Variants in ADAMTSL3 observed in about 807,000 individuals in gnomAD.
ADAMTSL3 encodes ADAMTS-like protein 3.
ADAMTSL3 carries 128 observed loss-of-function variants against 201.7 expected under a neutral mutation model. The ratio of observed to expected loss-of-function variants is 0.63; its 90% confidence interval spans 0.55 to 0.73. The LOEUF is 0.73. Among genes scored for constraint, ADAMTSL3 ranks in the 30% least tolerant of loss-of-function variants. The pLI is 0.00. For missense variants in ADAMTSL3, 1,990 were observed against 2,119.6 expected (o/e 0.94, Z 1.20); for synonymous variants, 738 against 748.4 (o/e 0.99, Z 0.23).
intron 6 of ADAMTSL3, among the ~76,000 whole-genome samples, chr15:83,822,437 ACGGGGCGG>A: frequency 7.2e-6 from 1 of 139,080 alleles, no homozygotes; most frequent in Non-Finnish European, 1.5e-5. Flanking sequence ...CACTTCTCAG[ACGGGGCGG>A]TTGCCAGGCG....
At chr15:83,973,758 CT>C (rs920866730) in intron 20 of ADAMTSL3, among the ~76,000 whole-genome samples, 1 of 152,142 alleles carries the variant, frequency 6.6e-6, no homozygotes, top group African/African-American at 2.4e-5. Flanking sequence ...AATCTACCCC[CT>C]CTCCTCCTCA....
chr15:83,743,542 A>AGTGT (rs1456193504), intron 3 of ADAMTSL3, among the ~76,000 whole-genome samples: 2 of 150,674 alleles, frequency 1.3e-5, no homozygotes, highest in Admixed American at 6.6e-5. Flanking sequence ...AAAAAAAAAA[A>AGTGT]GTGTGCTTTC....
At chr15:83,822,301 G>A (rs1449689396) in intron 6 of ADAMTSL3, among the ~76,000 whole-genome samples, 2 of 133,450 alleles carry the variant, frequency 1.5e-5, no homozygotes, top group Non-Finnish European at 1.6e-5. Flanking sequence ...GGGCGGAGGG[G>A]CTCCTCACTT....
chr15:83,842,987 C>A (rs1194749452), intron 7 of ADAMTSL3, among the ~76,000 whole-genome samples: 2 of 152,134 alleles, frequency 1.3e-5, no homozygotes, highest in Admixed American at 6.5e-5. Flanking sequence ...TGCCAAAGGG[C>A]AGTCTTATTT....
chr15:83,838,272 T>G, intron 7 of ADAMTSL3, 57 bp downstream of exon 7: 1 of 1,550,056 alleles, frequency 6.5e-7, no homozygotes, highest in Non-Finnish European at 8.7e-7. Context: ...TTAGACTGTC[T>G]ATTGCTAGAA....
At chr15:83,949,366 C>T (rs1242767260) in intron 19 of ADAMTSL3, among the ~76,000 whole-genome samples, 1 of 152,114 alleles carries the variant, frequency 6.6e-6, no homozygotes, top group Admixed American at 6.5e-5. Context: ...CTGAATAGTA[C>T]TCCATTGTGT....
intron 2 of ADAMTSL3, among the ~76,000 whole-genome samples, chr15:83,695,839 C>T (rs1017026928): frequency 6.6e-5 from 10 of 152,060 alleles, no homozygotes; most frequent in Non-Finnish European, 1.3e-4. Context: ...CCGCATTCTA[C>T]TTGAAAAACC....
chr15:83,927,053 A>G (rs1234067009), intron 17 of ADAMTSL3, among the ~76,000 whole-genome samples: 1 of 151,896 alleles, frequency 6.6e-6, no homozygotes, highest in African/African-American at 2.4e-5. Flanking sequence ...CATGGCCCCC[A>G]TGCTCCAGTA....
Position 83,826,435 on chromosome 15 carries a change from CTT to C in ADAMTSL3, c.600+6403_600+6404del, listed in dbSNP as rs11342592. On this transcript the variant is annotated intron_variant, in intron 6 of 29. Coordinates refer to ENST00000286744, the MANE Select transcript of ADAMTSL3 (RefSeq NM_207517.3). Reference sequence around the variant, plus strand: ...ACTGAGCCTGGCCCTGGAAGCAGATCTTTTTTTTTTTTTTTTAATTTTTATCA... The same window carrying C: ...ACTGAGCCTGGCCCTGGAAGCAGATCTTTTTTTTTTTTTTAATTTTTATCA... Among the ~76,000 whole-genome samples, 470 of 142,340 alleles carry C rather than the reference CTT, an allele frequency of 3.3e-3. 9 individuals are homozygous for C. The East Asian group carries it at 0.058, about 18-fold the overall frequency. The allele number at this position is 142,340 out of a possible 152,430, so 93.4% of individuals were successfully genotyped here.
intron 3 of ADAMTSL3, among the ~76,000 whole-genome samples, chr15:83,766,383 A>T (rs2062891636): frequency 6.6e-6 from 1 of 152,252 alleles, no homozygotes; most frequent in Non-Finnish European, 1.5e-5. Flanking sequence ...TGAGTTCATG[A>T]ACATCAGTCA....
chr15:83,690,723 T>A (rs2061599036), intron 2 of ADAMTSL3, among the ~76,000 whole-genome samples: 1 of 152,196 alleles, frequency 6.6e-6, no homozygotes, highest in Non-Finnish European at 1.5e-5. Context: ...ATGGAGTGTC[T>A]TGTTCCGTCT....
intron 4 of ADAMTSL3, among the ~76,000 whole-genome samples, chr15:83,780,989 T>C (rs996153551): frequency 2.6e-5 from 4 of 152,140 alleles, no homozygotes; most frequent in African/African-American, 9.7e-5. Context: ...CATCCTATGC[T>C]CATGGATAGA....
At position 83,885,108 on chromosome 15, in the gene ADAMTSL3, A is replaced by G; in HGVS notation, c.968A>G (p.Tyr323Cys). Residue 323 changes from tyrosine to cysteine, a missense_variant, in exon 10 of 30, where the codon TAC becomes TGC. By Grantham distance (194) the Tyr-to-Cys change is radical. Transcript: ENST00000286744. ...LMADFIFKTR[Y>C]TAAKDSVVQF... ...ACAGTTCTCTTTGTCCAGACCAGGT[A>G]CACTGCAGCCAAAGACAGCGTGGTT... is the stretch of plus-strand genomic sequence containing the variant. The G allele has an allele frequency of 6.2e-7, 1 of 1,613,206 alleles. No homozygotes were observed. The highest frequency in any genetic ancestry group is 8.5e-7 in the Non-Finnish European group (1 of 1,179,208).
chr15:83,720,293 AAAT>A (rs1210561736), intron 3 of ADAMTSL3, among the ~76,000 whole-genome samples: 1 of 152,190 alleles, frequency 6.6e-6, no homozygotes, highest in Non-Finnish European at 1.5e-5. Context: ...ACCTAAAATC[AAAT>A]AATGCAACTT....
rs755400208 is a variant in ADAMTSL3 at position 83,819,808 on chromosome 15, C to T, written c.364-3C>T. ...GCATGTGGCCTTTTCCCTCTGCCCC[C>T]AGGACTGCCCTCCAGATGCAGAAGA... On this transcript the variant is annotated splice_region_variant and splice_polypyrimidine_tract_variant and intron_variant, in intron 5 of 29. Transcript: ENST00000286744. 2 of 1,612,446 alleles carry T rather than the reference C, an allele frequency of 1.2e-6. No individual in the cohort carries two copies. The highest frequency in any genetic ancestry group is 8.5e-7 in the Non-Finnish European group (1 of 1,179,132).
intron 4 of ADAMTSL3, among the ~76,000 whole-genome samples, chr15:83,793,635 C>G (rs1231336891): frequency 1.3e-5 from 2 of 152,074 alleles, no homozygotes; most frequent in Non-Finnish European, 2.9e-5. Context: ...CGCCACTATG[C>G]CTGGCTAATT....
intron 19 of ADAMTSL3, among the ~76,000 whole-genome samples, chr15:83,957,093 T>G (rs1367226680): frequency 6.6e-6 from 1 of 152,218 alleles, no homozygotes; most frequent in African/African-American, 2.4e-5. Context: ...CCTGGGTCAC[T>G]GGAAAGTGTT....
chr15:83,718,028 G>T (rs2062043463), intron 3 of ADAMTSL3, among the ~76,000 whole-genome samples: 1 of 152,114 alleles, frequency 6.6e-6, no homozygotes, highest in African/African-American at 2.4e-5. Flanking sequence ...AAAGATAGAA[G>T]AAATTAAGTG....
intron 2 of ADAMTSL3, among the ~76,000 whole-genome samples, chr15:83,665,543 A>G (rs2061237891): frequency 1.3e-5 from 2 of 152,234 alleles, no homozygotes; most frequent in Admixed American, 6.5e-5. Context: ...TAATTGTTTC[A>G]TAACAGAAAA....
Sources: gnomAD v4.1 joint callset for allele counts (sites outside exome capture counted in the v4.1 genomes callset) on GRCh38, gnomAD v4.1.1 for gene constraint, MANE v1.5 for transcripts, NCBI Gene and HGNC (gene_info 2026-07-23, HGNC 2026-07-21) for gene names.